The following EPS8L2 variants were observed in gnomAD, a reference collection of about 807,000 sequenced individuals.
EPS8L2 encodes the protein EPS8 signaling adaptor L2.
EPS8L2 carries 81 observed loss-of-function variants against 99.4 expected under a neutral mutation model. The observed-to-expected ratio is 0.82, with a 90% CI of 0.68 to 0.98. EPS8L2 has a LOEUF of 0.98. Among genes scored for constraint, EPS8L2 ranks in the 50% least tolerant of loss-of-function variants. The pLI, the probability that EPS8L2 is intolerant of heterozygous loss-of-function variation, is 0.00. For missense variants in EPS8L2, 1,155 were observed against 968.8 expected (o/e 1.19, Z -2.55); for synonymous variants, 509 against 407.3 (o/e 1.25, Z -3.01).
chr11:709,140 G>A (rs937721466), intron 1 of EPS8L2, 190 bp from the exon 2 acceptor site: 5 of 452,904 alleles, frequency 1.1e-5, no homozygotes, highest in South Asian at 4.8e-5. Flanking sequence ...GAGGCATGAC[G>A]AGGCTGATCG....
At chr11:722,902 TCC>T in intron 14 of EPS8L2, 97 bp downstream of exon 14, 2 of 442,986 alleles carry the variant, frequency 4.5e-6, no homozygotes, top group East Asian at 4.0e-5. Context: ...TCCCCAGAGC[TCC>T]CCCCCCAGCC....
chr11:721,919 G>C lies in EPS8L2; in HGVS notation c.912G>C (p.Leu304=), dbSNP rs1331690450. ...CCATGCCAGAGGGCGTCCTCACACTGCGGGCACGGCCCCCCTCTGAGGGCG... is the reference window on the plus strand; with the variant it reads ...CCATGCCAGAGGGCGTCCTCACACTCCGGGCACGGCCCCCCTCTGAGGGCG... ...KKAPAEGVLT[L]RARPPSEGEF... is the part of the protein sequence containing the mutation. Residue 304 remains leucine (L), a synonymous_variant, in exon 11 of 21, where the codon CTG becomes CTC. Transcript: ENST00000318562. 6.3e-7 allele frequency: 1 copy of C among 1,593,276 alleles called. No individual in the cohort carries two copies.
intron 17 of EPS8L2, 38 bp from the exon 18 acceptor site, chr11:726,056 GGGGC>G: frequency 7.1e-7 from 1 of 1,414,334 alleles, no homozygotes; most frequent in Non-Finnish European, 9.8e-7. Flanking sequence ...CTGGGAGGCG[GGGGC>G]GGGGCGTGGG....
In EPS8L2 at chr11:721,657, A is replaced by T. The variant is rs377228410; in HGVS notation, c.861A>T (p.Lys287Asn). The change falls in exon 10 of 21, where the codon AAA (lysine) becomes AAT (asparagine). Residue 287 changes from lysine to asparagine, a missense_variant. Physicochemically the swap from Lys to Asn is moderately conservative, Grantham distance 94. Coordinates refer to ENST00000318562, the MANE Select transcript of EPS8L2 (RefSeq NM_022772.4). The part of the protein sequence containing the change: ...AEAFKQLNQR[K>N]KGKKKGKKAP... ...CTTTCAAGCAGCTGAACCAGCGGAAAAAGGGGAAGAAGAAGGGCAAGAAGG... is the reference window on the plus strand; with the variant it reads ...CTTTCAAGCAGCTGAACCAGCGGAATAAGGGGAAGAAGAAGGGCAAGAAGG... 1.5e-5 allele frequency: 24 copies of T among 1,585,952 alleles called. No homozygotes were observed. The highest frequency in any genetic ancestry group is 3.9e-5 in the Admixed American group (2 of 51,472).
chr11:725,204 G>C (rs1316368086), intron 16 of EPS8L2, among the ~76,000 whole-genome samples: 1 of 152,256 alleles, frequency 6.6e-6, no homozygotes, highest in African/African-American at 2.4e-5. Flanking sequence ...AAGTGGAGCA[G>C]GCTAGGGGGG....
rs1052911296 is a variant in EPS8L2 at position 726,140 on chromosome 11, C to G, written c.1723C>G (p.Leu575Val). Reference sequence around the variant, plus strand: ...GGGCCCCGCCAGCCCGACCCACAAGCTACCCCCAAGCTTCCCGGGGAACAA... The same window carrying G: ...GGGCCCCGCCAGCCCGACCCACAAGGTACCCCCAAGCTTCCCGGGGAACAA... ...YWGPASPTHKLPPSFPGNKDE... is the reference protein window; with the variant it reads ...YWGPASPTHKVPPSFPGNKDE... Residue 575 changes from leucine to valine, a missense_variant, in exon 18 of 21, where the codon CTA becomes GTA. Transcript: ENST00000318562. 16 of 1,609,120 alleles carry G rather than the reference C, an allele frequency of 9.9e-6. No homozygotes were observed. In the African/African-American group the frequency reaches 2.0e-4, roughly 20 times the overall value.
chr11:709,444 G>A lies in EPS8L2; in HGVS notation c.37G>A (p.Ala13Thr). The change falls in exon 2 of 21, where the codon GCC becomes ACC. Residue 13 changes from alanine to threonine, a missense_variant. Ala to Thr is a moderately conservative substitution (Grantham distance 58, BLOSUM62 0). Coordinates refer to ENST00000318562, the MANE Select transcript of EPS8L2 (RefSeq NM_022772.4). ...CGGGGCCGTGAGCTGCTGCCCGGGTGCCACCAAGTGAGCCCTCCCACCCAT... is the reference window on the plus strand; with the variant it reads ...CGGGGCCGTGAGCTGCTGCCCGGGTACCACCAAGTGAGCCCTCCCACCCAT... ...QSGAVSCCPGATNGSLGRSDG... is the reference protein window; with the variant it reads ...QSGAVSCCPGTTNGSLGRSDG... 6.3e-7 allele frequency: 1 copy of A among 1,597,976 alleles called. No individual in the cohort carries two copies. The highest frequency in any genetic ancestry group is 1.1e-5 in the South Asian group (1 of 88,278).
chr11:710,478 C>T lies in EPS8L2; in HGVS notation c.157C>T (p.His53Tyr), dbSNP rs1329073492. 2.5e-6 allele frequency: 4 copies of T among 1,613,700 alleles called. No homozygotes were observed. In the South Asian group the frequency reaches 3.3e-5, roughly 13 times the overall value. ...NVIMHETSQY[H>Y]VQHLATFIMD... ...CATCATGCACGAGACCTCGCAGTAC[C>T]ACGTCCAGGTAAGGCCCCGCCCCCA... is the stretch of plus-strand genomic sequence containing the variant. Residue 53 changes from histidine (H) to tyrosine (Y), a missense_variant, in exon 4 of 21, where the codon CAC (histidine) becomes TAC (tyrosine). Coordinates refer to ENST00000318562, the MANE Select transcript of EPS8L2 (RefSeq NM_022772.4).
chr11:722,253 G>A, intron 12 of EPS8L2, 88 bp downstream of exon 12: 2 of 1,546,544 alleles, frequency 1.3e-6, no homozygotes, highest in African/African-American at 1.4e-5. Context: ...GGGGCAGCAG[G>A]TGCCCGCCTT....
At chr11:725,512 G>C (rs978642723) in intron 16 of EPS8L2, among the ~76,000 whole-genome samples, 2 of 152,086 alleles carry the variant, frequency 1.3e-5, no homozygotes, top group African/African-American at 2.4e-5. Context: ...CCCTGTCTCC[G>C]AGAAAAAAAG....
At chr11:722,952 C>G (rs1862229750) in intron 14 of EPS8L2, 147 bp downstream of exon 14, 1 of 521,418 alleles carries the variant, frequency 1.9e-6, no homozygotes, top group Non-Finnish European at 3.3e-6. Context: ...CCTCCCCAGC[C>G]CCGACACCCA....
rs1862202275 is a variant in EPS8L2, at chr11:722,317, CCCGAGGGCCAG to C, written c.1060-81_1060-71del. On this transcript the variant is annotated intron_variant, in intron 12 of 20. Coordinates refer to ENST00000318562, the MANE Select transcript of EPS8L2 (RefSeq NM_022772.4). Reference sequence around the variant, plus strand: ...CTCTCCCTGGGGTCCAAAGTCCCTTCCCGAGGGCCAGCCTGTGGAGCTACGGGGGTGCTGGG... The same window carrying C: ...CTCTCCCTGGGGTCCAAAGTCCCTTCCCTGTGGAGCTACGGGGGTGCTGGG... 10 of 1,566,528 alleles carry C rather than the reference CCCGAGGGCCAG, an allele frequency of 6.4e-6. No homozygotes were observed. In the South Asian group the frequency reaches 1.2e-4, roughly 18 times the overall value.
In EPS8L2 at chr11:709,568, G is replaced by T. The variant is rs775689584; in HGVS notation, c.60G>T (p.Arg20=). 7.4e-6 allele frequency: 12 copies of T among 1,612,914 alleles called. No homozygotes were observed. In the Admixed American group the frequency reaches 1.2e-4, roughly 16 times the overall value. ...TCCCCTGCAGTGGCAGCCTGGGCCG[G>T]TCCGACGGTGTGGCCAAGATGAGCC... The part of the protein sequence containing the change: ...CPGATNGSLG[R]SDGVAKMSPK... The change falls in exon 3 of 21, where the codon CGG becomes CGT. Residue 20 remains arginine, a synonymous_variant. Transcript: ENST00000318562.
In EPS8L2 at chr11:710,290, C is replaced by T. The variant is rs1421907758; in HGVS notation, c.101-132C>T. The T allele has an allele frequency of 9.9e-6, 8 of 806,658 alleles. No homozygotes were observed. The African/African-American group carries it at 1.3e-4, about 14-fold the overall frequency. The allele number at this position is 806,658 out of a possible 1,614,324, so 50.0% of individuals were successfully genotyped here. On this transcript the variant is annotated intron_variant, in intron 3 of 20. Coordinates refer to ENST00000318562, the MANE Select transcript of EPS8L2 (RefSeq NM_022772.4). ...GTCCTGATTTCACACCCACATCCTTCCTGGTGGCCAAGAGGTCCACGGAGC... is the reference window on the plus strand; with the variant it reads ...GTCCTGATTTCACACCCACATCCTTTCTGGTGGCCAAGAGGTCCACGGAGC...
In EPS8L2 at chr11:721,013, A is replaced by AGGCG. The variant is rs1564975881; in HGVS notation, c.558-49_558-48insCGGG. 10 of 907,692 alleles carry AGGCG rather than the reference A, an allele frequency of 1.1e-5. No individual in the cohort carries two copies. The African/African-American group carries it at 2.6e-4, about 24-fold the overall frequency. The allele number at this position is 907,692 out of a possible 1,614,324, so 56.2% of individuals were successfully genotyped here. On this transcript the variant is annotated intron_variant, in intron 7 of 20. Transcript: ENST00000318562. ...GAGGGGAGGAGCCCGGCAGGGAGGGAGGGTCAGGTGCGTTCCCGGCGGGGC... is the reference window on the plus strand; with the variant it reads ...GAGGGGAGGAGCCCGGCAGGGAGGGAGGCGGGGTCAGGTGCGTTCCCGGCGGGGC...
intron 12 of EPS8L2, 66 bp from the exon 13 acceptor site, chr11:722,335 G>A: frequency 6.3e-7 from 1 of 1,584,006 alleles, no homozygotes; most frequent in Non-Finnish European, 8.6e-7. Flanking sequence ...CCAGCCTGTG[G>A]AGCTACGGGG....
intron 4 of EPS8L2, among the ~76,000 whole-genome samples, chr11:714,174 A>AT (rs1019400924): frequency 6.6e-6 from 1 of 150,448 alleles, no homozygotes; most frequent in Non-Finnish European, 1.5e-5. Context: ...GTTTTCTTTT[A>AT]TTTTTTGTAA....
chr11:709,584 A>G lies in EPS8L2; in HGVS notation c.76A>G (p.Lys26Glu), dbSNP rs753552500. Residue 26 changes from lysine (K) to glutamate (E), a missense_variant, in exon 3 of 21, where the codon AAG becomes GAG. By Grantham distance (56) the Lys-to-Glu change is moderately conservative. Transcript: ENST00000318562. ...GSLGRSDGVA[K>E]MSPKDLFEQR... ...CCTGGGCCGGTCCGACGGTGTGGCCAAGATGAGCCCCAAGGACCTGTTTGG... is the reference window on the plus strand; with the variant it reads ...CCTGGGCCGGTCCGACGGTGTGGCCGAGATGAGCCCCAAGGACCTGTTTGG... 6.2e-6 allele frequency: 10 copies of G among 1,613,038 alleles called. No homozygotes were observed. The South Asian group carries it at 1.1e-4, about 18-fold the overall frequency.
chr11:725,554 G>A (rs932734933), intron 16 of EPS8L2, among the ~76,000 whole-genome samples, 174 bp from the exon 17 acceptor site: 12 of 152,146 alleles, frequency 7.9e-5, no homozygotes, highest in African/African-American at 2.9e-4. Flanking sequence ...CAGGGTGGGG[G>A]AGGAGCAGCC....
Sources: allele counts gnomAD v4.1 joint callset (sites outside exome capture counted in the v4.1 genomes callset), GRCh38; gene constraint gnomAD v4.1.1; transcripts MANE v1.5; gene names NCBI Gene and HGNC (gene_info 2026-07-23, HGNC 2026-07-21).